Variants in CUX2 observed in about 807,000 individuals in gnomAD.
CUX2 encodes the protein homeobox protein cut-like 2.
CUX2 carries 40 observed loss-of-function variants against 144.8 expected under a neutral mutation model. The ratio of observed to expected loss-of-function variants is 0.28; its 90% CI spans 0.21 to 0.36. The LOEUF is 0.36. Among genes scored for constraint, CUX2 ranks in the 10% least tolerant of loss-of-function variants. The pLI is 1.00. For missense variants in CUX2, 1,615 were observed against 1,994.0 expected (o/e 0.81, Z 3.62); for synonymous variants, 827 against 875.6 (o/e 0.94, Z 0.98).
chr12:111,288,301 A>C (rs1347713610), intron 4 of CUX2, among the ~76,000 whole-genome samples: 1 of 152,092 alleles, frequency 6.6e-6, no homozygotes, highest in Non-Finnish European at 1.5e-5. Context: ...TGAGCTAACC[A>C]AGTGTCTGGT....
At chr12:111,043,534 C>A (rs114531625) in intron 1 of CUX2, among the ~76,000 whole-genome samples, 1 of 152,136 alleles carries the variant, frequency 6.6e-6, no homozygotes, top group Non-Finnish European at 1.5e-5. Context: ...GCATGGTGGC[C>A]GGGTGCGGTG....
chr12:111,234,175 C>T (rs527607526), intron 3 of CUX2, among the ~76,000 whole-genome samples: 47 of 152,250 alleles, frequency 3.1e-4, no homozygotes, highest in Middle Eastern at 6.8e-3. Flanking sequence ...CTGTGGACTC[C>T]CTCACAGATA....
rs1024048305 is a variant in CUX2, at chr12:111,077,335, A to G, written c.63+43095A>G. Among the ~76,000 whole-genome samples, 93 of 152,092 alleles carry G rather than the reference A, an allele frequency of 6.1e-4. 1 individual carries two copies. Among genetic ancestry groups the G allele is most frequent in the African/African-American group, 2.2e-3 (92 of 41,410 alleles). ...AGACGTGGGTAATGTATTCACAGAC[A>G]TGACTCCCAGACCCCGAGTGTCTTG... is the stretch of plus-strand genomic sequence containing the variant. On this transcript the variant is annotated intron_variant, in intron 1 of 21. Transcript: ENST00000261726. The surrounding 1 kb of genome is among the most constrained non-coding windows in gnomAD (Gnocchi z 4.1).
At chr12:111,193,083 G>A (rs1415922147) in intron 1 of CUX2, among the ~76,000 whole-genome samples, 3 of 152,232 alleles carry the variant, frequency 2.0e-5, no homozygotes, top group South Asian at 4.1e-4. Context: ...GTGAAGGAAA[G>A]AGTGAATGGA....
At chr12:111,202,829 G>A (rs763557343) in intron 1 of CUX2, among the ~76,000 whole-genome samples, 16 of 152,140 alleles carry the variant, frequency 1.1e-4, no homozygotes, top group Non-Finnish European at 2.1e-4. Flanking sequence ...AGGACGGCAG[G>A]ACAGGCTTCT....
At position 111,277,228 on chromosome 12, in the gene CUX2, T is replaced by C. The variant is rs970013223; in HGVS notation, c.301+13389T>C. Reference sequence around the variant, plus strand: ...CACCCTCGGCCATAGCACCCCGCCCTCCCAGCCTGCGCAGGGAGGGGAAAG... The same window carrying C: ...CACCCTCGGCCATAGCACCCCGCCCCCCCAGCCTGCGCAGGGAGGGGAAAG... On this transcript the variant is annotated intron_variant, in intron 4 of 21. Transcript: ENST00000261726. This position sits in a 1 kb window ranked among gnomAD's most constrained non-coding sequence, Gnocchi z 5.0. Among the ~76,000 whole-genome samples, 5 of 152,078 alleles carry C rather than the reference T, an allele frequency of 3.3e-5. No individual in the cohort carries two copies. The highest frequency in any genetic ancestry group is 1.2e-4 in the African/African-American group (5 of 41,512).
In CUX2 at chr12:111,320,869, G is replaced by GC; in HGVS notation, c.2766+97dup. 7.6e-7 allele frequency: 1 copy of GC among 1,314,204 alleles called. No individual in the cohort carries two copies. The highest frequency in any genetic ancestry group is 9.9e-7 in the Non-Finnish European group (1 of 1,010,012). 81.4% of individuals were successfully genotyped at this position (1,314,204 alleles called of 1,614,324 possible). ...CAAGCAGGCTGGCGGGACCCCAGGG[G>GC]CCCAGGCCCTTCATTCCTGAGTCCT... is the stretch of plus-strand genomic sequence containing the variant. On this transcript the variant is annotated intron_variant, in intron 17 of 21. Transcript: ENST00000261726. The surrounding 1 kb of genome is among the most constrained non-coding windows in gnomAD (Gnocchi z 8.1).
At chr12:111,274,852 C>G (rs1273282955) in intron 4 of CUX2, among the ~76,000 whole-genome samples, 1 of 151,792 alleles carries the variant, frequency 6.6e-6, no homozygotes, top group Non-Finnish European at 1.5e-5. Context: ...GCCTTTCCGG[C>G]TCTGTGTTTC....
chr12:111,094,286 C>G (rs1323052714), intron 1 of CUX2, among the ~76,000 whole-genome samples: 3 of 152,296 alleles, frequency 2.0e-5, no homozygotes, highest in African/African-American at 2.4e-5. Context: ...CGGCTGGGCC[C>G]GGTGTGAGCA....
At chr12:111,191,413 C>T (rs1431170307) in intron 1 of CUX2, among the ~76,000 whole-genome samples, 2 of 151,952 alleles carry the variant, frequency 1.3e-5, no homozygotes, top group African/African-American at 2.4e-5. Flanking sequence ...CTCACTGCAA[C>T]CTCCATCTCC....
rs71445536 is a variant in CUX2, at chr12:111,184,573, C to CAAAA, written c.64-29604_64-29601dup. Among the ~76,000 whole-genome samples, 5 of 46,908 alleles carry CAAAA rather than the reference C, an allele frequency of 1.1e-4. No individual in the cohort carries two copies. The East Asian group carries it at 1.7e-3, about 16-fold the overall frequency. 30.8% of individuals were successfully genotyped at this position (46,908 alleles called of 152,430 possible). On this transcript the variant is annotated intron_variant, in intron 1 of 21. Coordinates refer to ENST00000261726, the MANE Select transcript of CUX2 (RefSeq NM_015267.4). ...GCAACATGGCAAACCTTCTCTCTAC[C>CAAAA]AAAAAAAAAAAAAAAAAAAAAAAAA...
chr12:111,123,591 G>A (rs560037102), intron 1 of CUX2, among the ~76,000 whole-genome samples: 13 of 151,980 alleles, frequency 8.6e-5, no homozygotes, highest in South Asian at 6.2e-4. Flanking sequence ...GCTGGAATGC[G>A]GTGGCACAGT....
At chr12:111,236,476 G>A (rs1488184954) in intron 3 of CUX2, among the ~76,000 whole-genome samples, 5 of 152,172 alleles carry the variant, frequency 3.3e-5, no homozygotes, top group African/African-American at 7.2e-5. Flanking sequence ...GAGATGGGAC[G>A]ATCAGCGCAG....
At chr12:111,138,300 G>A (rs1224582863) in intron 1 of CUX2, among the ~76,000 whole-genome samples, 1 of 152,060 alleles carries the variant, frequency 6.6e-6, no homozygotes, top group Non-Finnish European at 1.5e-5. Flanking sequence ...GTTTGACAAG[G>A]TGTCACTGTT....
chr12:111,285,820 C>G (rs753220203), intron 4 of CUX2, among the ~76,000 whole-genome samples: 3 of 152,224 alleles, frequency 2.0e-5, no homozygotes, highest in Non-Finnish European at 4.4e-5. Flanking sequence ...CCGACTTTGG[C>G]CAAGGCATCT....
chr12:111,336,836 T>G (rs1001656729), intron 19 of CUX2, among the ~76,000 whole-genome samples: 35 of 152,058 alleles, frequency 2.3e-4, no homozygotes, highest in Admixed American at 2.1e-3. Context: ...TTTTTTTCTG[T>G]GTAGACGAAA....
At chr12:111,233,587 T>C (rs943009854) in intron 3 of CUX2, among the ~76,000 whole-genome samples, 1 of 151,518 alleles carries the variant, frequency 6.6e-6, no homozygotes, top group Non-Finnish European at 1.5e-5. Flanking sequence ...GTGAGGGAGA[T>C]GGGAGGGGGC....
At chr12:111,091,842 C>T (rs1003892250) in intron 1 of CUX2, among the ~76,000 whole-genome samples, 2 of 152,176 alleles carry the variant, frequency 1.3e-5, no homozygotes, top group Non-Finnish European at 2.9e-5. Context: ...AGGATCTTGC[C>T]TCCATCACCA....
chr12:111,122,809 G>A (rs1874771883), intron 1 of CUX2, among the ~76,000 whole-genome samples: 1 of 152,226 alleles, frequency 6.6e-6, no homozygotes, highest in South Asian at 2.1e-4. Flanking sequence ...ACACAAGTCA[G>A]TGCATGCAGT....
Sources: gnomAD v4.1 joint callset for allele counts (sites outside exome capture counted in the v4.1 genomes callset) on GRCh38, gnomAD v4.1.1 for gene constraint, Gnocchi (gnomAD v3.1) non-coding constraint, MANE v1.5 for transcripts, NCBI Gene and HGNC (gene_info 2026-07-23, HGNC 2026-07-21) for gene names.